MRTFB: variants seen among roughly 807,000 people sequenced by gnomAD.
MRTFB encodes the protein myocardin related transcription factor B, also known as myocardin-related transcription factor B.
In MRTFB, 29 loss-of-function variants were observed where a neutral mutation model predicts 104.2. The ratio of observed to expected loss-of-function variants is 0.28; its 90% confidence interval spans 0.21 to 0.38. The LOEUF (loss-of-function observed/expected upper bound fraction) is 0.38. MRTFB is among the 10% of genes least tolerant of loss of function. MRTFB has a pLI of 1.00. For missense variants in MRTFB, 1,270 were observed against 1,341.6 expected (o/e 0.95, Z 0.83); for synonymous variants, 535 against 519.5 (o/e 1.03, Z -0.41).
At chr16:14,039,060 G>A in the MRTFB span, among the ~76,000 whole-genome samples, 17 of 152,172 alleles carry the variant, frequency 1.1e-4, no homozygotes, top group African/African-American at 3.9e-4. Context: ...CACAACATGT[G>A]GGAATTATGG....
chr16:14,096,121 G>T (rs769087408), intron 2 of MRTFB, among the ~76,000 whole-genome samples: 1 of 151,808 alleles, frequency 6.6e-6, no homozygotes, highest in Non-Finnish European at 1.5e-5. Context: ...CTGTCTTCCA[G>T]GCTGCAGTGC....
chr16:14,013,637 C>T, the MRTFB span, among the ~76,000 whole-genome samples: 1 of 152,204 alleles, frequency 6.6e-6, no homozygotes, highest in African/African-American at 2.4e-5. Flanking sequence ...GTAATCTTGC[C>T]TTTAAATACA....
chr16:14,233,888 T>A (rs1056160540), intron 8 of MRTFB, among the ~76,000 whole-genome samples: 14 of 152,288 alleles, frequency 9.2e-5, no homozygotes, highest in African/African-American at 3.1e-4. Flanking sequence ...TCTGACTGTC[T>A]TTTTGAGAAA....
At position 14,199,785 on chromosome 16, in the gene MRTFB, A is replaced by C. The variant is rs552729796; in HGVS notation, c.155-10458A>C. Among the ~76,000 whole-genome samples, 16 of 152,380 alleles carry C rather than the reference A, an allele frequency of 1.1e-4. 1 individual carries two copies. The South Asian group carries it at 3.3e-3, about 32-fold the overall frequency. ...AATTTGGAAATAAATGTTTGGTTTCAAGAGAAAGCTTACCCTGAGCTTTTG... is the reference window on the plus strand; with the variant it reads ...AATTTGGAAATAAATGTTTGGTTTCCAGAGAAAGCTTACCCTGAGCTTTTG... On this transcript the variant is annotated intron_variant, in intron 3 of 16. Coordinates refer to ENST00000571589, the MANE Select transcript of MRTFB (RefSeq NM_001308142.2).
intron 2 of MRTFB, among the ~76,000 whole-genome samples, chr16:14,099,500 C>T (rs1459330463): frequency 6.6e-6 from 1 of 150,500 alleles, no homozygotes; most frequent in Non-Finnish European, 1.5e-5. Flanking sequence ...GAAGCTGGAA[C>T]CACAGGTGCA....
intron 9 of MRTFB, among the ~76,000 whole-genome samples, chr16:14,236,762 T>A (rs1203957046): frequency 6.6e-6 from 1 of 152,194 alleles, no homozygotes; most frequent in African/African-American, 2.4e-5. Flanking sequence ...GAAGTTAGGC[T>A]TTGTATTACT....
rs542160886 is a variant in MRTFB, at chr16:14,146,965, T to G, written c.154+6205T>G. On this transcript the variant is annotated intron_variant, in intron 3 of 16. Transcript: ENST00000571589. ...GAGCAGGAAACAAATAGATGCTCAA[T>G]AGCCAAGACAGAGCTGTGGAATTCT... Among the ~76,000 whole-genome samples the G allele has an allele frequency of 9.8e-5, 15 of 152,328 alleles. No homozygotes were observed. In the East Asian group the frequency reaches 1.5e-3, roughly 16 times the overall value.
the MRTFB span, among the ~76,000 whole-genome samples, chr16:14,031,892 C>T: frequency 1.7e-4 from 26 of 152,152 alleles, no homozygotes; most frequent in Non-Finnish European, 3.2e-4. Context: ...TCTGCAACCT[C>T]CGTCTCCCGG....
chr16:14,211,497 T>TCCCA (rs1302641323), intron 4 of MRTFB, among the ~76,000 whole-genome samples: 1 of 152,158 alleles, frequency 6.6e-6, no homozygotes, highest in Non-Finnish European at 1.5e-5. Context: ...GCCCAAGGAA[T>TCCCA]CCCAGTCCTC....
chr16:14,107,383 G>A (rs1191040977), intron 2 of MRTFB, among the ~76,000 whole-genome samples: 1 of 152,182 alleles, frequency 6.6e-6, no homozygotes, highest in African/African-American at 2.4e-5. Flanking sequence ...CTCTCCCATG[G>A]AATTGAAATT....
the MRTFB span, among the ~76,000 whole-genome samples, chr16:14,060,949 A>G: frequency 1.1e-4 from 17 of 152,282 alleles, no homozygotes; most frequent in Non-Finnish European, 2.2e-4. Context: ...GATCGAGACC[A>G]TCCTGGCTAA....
chr16:14,261,009 G>C lies in MRTFB; in HGVS notation c.2865G>C (p.Arg955=). The C allele has an allele frequency of 4.3e-6, 7 of 1,614,108 alleles. No individual in the cohort carries two copies. Among genetic ancestry groups the C allele is most frequent in the Non-Finnish European group, 5.1e-6 (6 of 1,180,014 alleles). ...TGCCAGTGAATACAGTGGTGTCCCG[G>C]CCACCACCCCAAGTCCAAATGGCAC... ...TTMPVNTVVS[R]PPPQVQMAPP... Residue 955 remains arginine, a synonymous_variant, in exon 17 of 17, where the codon CGG becomes CGC. Transcript: ENST00000571589.
chr16:14,212,165 G>A (rs759440604), intron 4 of MRTFB, among the ~76,000 whole-genome samples, 189 bp from the exon 5 acceptor site: 10 of 152,114 alleles, frequency 6.6e-5, no homozygotes, highest in Non-Finnish European at 1.2e-4. Context: ...TACTTTATTT[G>A]TGAAATACAT....
At chr16:14,040,370 A>G in the MRTFB span, among the ~76,000 whole-genome samples, 3 of 152,268 alleles carry the variant, frequency 2.0e-5, no homozygotes, top group Admixed American at 1.3e-4. Flanking sequence ...TTATGTTTTG[A>G]TAGATGGGGC....
intron 3 of MRTFB, among the ~76,000 whole-genome samples, chr16:14,181,038 G>C (rs774567695): frequency 1.1e-4 from 17 of 152,050 alleles, no homozygotes; most frequent in Non-Finnish European, 2.2e-4. Context: ...TTGTTAATCT[G>C]TTTACATCTG....
intron 3 of MRTFB, among the ~76,000 whole-genome samples, chr16:14,171,406 ACT>A (rs1006364320): frequency 6.6e-6 from 1 of 151,334 alleles, no homozygotes. Flanking sequence ...GAGGCAGAAG[ACT>A]CTCTTGAACG....
intron 9 of MRTFB, among the ~76,000 whole-genome samples, 168 bp downstream of exon 9, chr16:14,234,451 T>C (rs999009566): frequency 6.6e-6 from 1 of 152,178 alleles, no homozygotes. Flanking sequence ...GTCTTCATGT[T>C]TGAAATTGTG....
chr16:14,209,833 TTAAAA>T (rs1238025847), intron 3 of MRTFB, among the ~76,000 whole-genome samples: 1 of 152,204 alleles, frequency 6.6e-6, no homozygotes, highest in Admixed American at 6.5e-5. Flanking sequence ...ATAGTCAGTC[TTAAAA>T]TAAGTTTTTG....
At chr16:14,145,083 G>C (rs1488602031) in intron 3 of MRTFB, among the ~76,000 whole-genome samples, 1 of 150,526 alleles carries the variant, frequency 6.6e-6, no homozygotes, top group East Asian at 1.9e-4. Flanking sequence ...ACAGTTATGT[G>C]AGCAGAGTAT....
Sources: gnomAD v4.1 joint callset for allele counts (sites outside exome capture counted in the v4.1 genomes callset) on GRCh38, gnomAD v4.1.1 for gene constraint, MANE v1.5 for transcripts, NCBI Gene and HGNC (gene_info 2026-07-23, HGNC 2026-07-21) for gene names.